The following PPARGC1A variants were observed in gnomAD, a reference collection of about 807,000 sequenced individuals.
The protein encoded by PPARGC1A is peroxisome proliferator-activated receptor gamma coactivator 1-alpha.
A neutral mutation model predicts 88.7 loss-of-function variants in PPARGC1A; 25 were observed. The observed-to-expected ratio is 0.28, with a 90% confidence interval of 0.21 to 0.39. PPARGC1A has a LOEUF of 0.39. Ranked by LOEUF, PPARGC1A falls within the 10% of genes least tolerant of loss-of-function variation. PPARGC1A has a pLI of 1.00. For missense variants in PPARGC1A, 880 were observed against 968.7 expected, an observed-to-expected ratio of 0.91 and a Z score of 1.22; for synonymous variants, 363 against 355.6, an observed-to-expected ratio of 1.02 and a Z score of -0.24.
chr4:24,111,417 A>G, the PPARGC1A span, among the ~76,000 whole-genome samples: 1 of 152,210 alleles, frequency 6.6e-6, no homozygotes, highest in Non-Finnish European at 1.5e-5. Flanking sequence ...ACACACATTA[A>G]TTCATACTGC....
At chr4:24,462,025 T>C in the PPARGC1A span, among the ~76,000 whole-genome samples, 1 of 152,184 alleles carries the variant, frequency 6.6e-6, no homozygotes, top group Non-Finnish European at 1.5e-5. Context: ...ACATTCATGT[T>C]GAAGGCAGCA....
At chr4:24,189,421 A>T in the PPARGC1A span, among the ~76,000 whole-genome samples, 2 of 152,070 alleles carry the variant, frequency 1.3e-5, no homozygotes, top group Non-Finnish European at 2.9e-5. Context: ...GTAAACATAA[A>T]CCCATCAGGA....
intron 2 of PPARGC1A, among the ~76,000 whole-genome samples, chr4:23,842,081 C>T (rs767893335): frequency 2.6e-5 from 4 of 151,956 alleles, no homozygotes; most frequent in Admixed American, 6.6e-5. Flanking sequence ...AATGAGTGGG[C>T]GTGGGCTATT....
chr4:24,219,392 T>A, the PPARGC1A span, among the ~76,000 whole-genome samples: 1 of 152,170 alleles, frequency 6.6e-6, no homozygotes, highest in African/African-American at 2.4e-5. Flanking sequence ...GGCCGAATCT[T>A]ACAAACAGCA....
the PPARGC1A span, among the ~76,000 whole-genome samples, chr4:24,252,294 A>G: frequency 1.3e-5 from 2 of 152,146 alleles, no homozygotes; most frequent in Non-Finnish European, 2.9e-5. Context: ...CTACTGAATC[A>G]GAATGTCTGG....
the PPARGC1A span, among the ~76,000 whole-genome samples, chr4:23,909,194 G>A: frequency 3.9e-5 from 6 of 152,100 alleles, no homozygotes; most frequent in African/African-American, 1.4e-4. Flanking sequence ...TGACCCGTAC[G>A]TAATTTGAAA....
At chr4:24,432,318 T>C in the PPARGC1A span, among the ~76,000 whole-genome samples, 1 of 152,142 alleles carries the variant, frequency 6.6e-6, no homozygotes, top group Admixed American at 6.5e-5. Context: ...GATCTTTTTT[T>C]CTCTCTCTGT....
At chr4:24,303,812 T>C in the PPARGC1A span, among the ~76,000 whole-genome samples, 51 of 152,370 alleles carry the variant, frequency 3.3e-4, no homozygotes, top group African/African-American at 1.2e-3. Flanking sequence ...AATTGGTTGC[T>C]GTTCGTTTCT....
the PPARGC1A span, among the ~76,000 whole-genome samples, chr4:24,436,538 C>T: frequency 1.3e-5 from 2 of 150,792 alleles, no homozygotes; most frequent in Non-Finnish European, 3.0e-5. Flanking sequence ...TTGGCCACCC[C>T]AGAGCCCGGG....
At chr4:24,272,576 A>C in the PPARGC1A span, among the ~76,000 whole-genome samples, 1 of 152,340 alleles carries the variant, frequency 6.6e-6, no homozygotes, top group South Asian at 2.1e-4. Flanking sequence ...GTTTATTCAG[A>C]ATTACCCATT....
the PPARGC1A span, among the ~76,000 whole-genome samples, chr4:24,300,435 G>A: frequency 7.8e-6 from 1 of 128,644 alleles, no homozygotes; most frequent in Non-Finnish European, 1.6e-5. Context: ...ATGAAGCATT[G>A]GATAAGCATA....
chr4:23,956,326 T>C, the PPARGC1A span, among the ~76,000 whole-genome samples: 1 of 152,114 alleles, frequency 6.6e-6, no homozygotes, highest in Non-Finnish European at 1.5e-5. Context: ...TCTAGATTTC[T>C]AACAAGCTCC....
the PPARGC1A span, among the ~76,000 whole-genome samples, chr4:24,212,629 G>C: frequency 6.6e-6 from 1 of 152,136 alleles, no homozygotes; most frequent in South Asian, 2.1e-4. Context: ...AAGGCTTATG[G>C]TGATAATTGG....
the PPARGC1A span, among the ~76,000 whole-genome samples, chr4:24,464,804 C>T: frequency 1.3e-5 from 2 of 152,190 alleles, no homozygotes; most frequent in South Asian, 4.1e-4. Flanking sequence ...TTTGCATCAA[C>T]CATCTCCTCC....
At chr4:24,311,467 C>T in the PPARGC1A span, among the ~76,000 whole-genome samples, 5 of 10,770 alleles carry the variant, frequency 4.6e-4, no homozygotes, top group Non-Finnish European at 0.01. Context: ...AACCCCATCT[C>T]TACTAAAAAA....
chr4:23,889,834 CT>C, intron 1 of PPARGC1A, 69 bp downstream of exon 1: 1 of 1,576,412 alleles, frequency 6.3e-7, no homozygotes. Context: ...CCCATCCCCC[CT>C]TACAGGAATA....
At chr4:24,206,971 A>G in the PPARGC1A span, among the ~76,000 whole-genome samples, 1 of 151,908 alleles carries the variant, frequency 6.6e-6, no homozygotes, top group African/African-American at 2.4e-5. Flanking sequence ...GGTAGGGAGA[A>G]AAGAAGCTTT....
the PPARGC1A span, among the ~76,000 whole-genome samples, chr4:24,370,964 T>C: frequency 6.6e-6 from 1 of 151,852 alleles, no homozygotes; most frequent in Non-Finnish European, 1.5e-5. Flanking sequence ...TGGTGTGTGA[T>C]GTTCCCCTCT....
the PPARGC1A span, among the ~76,000 whole-genome samples, chr4:24,193,564 C>A: frequency 6.6e-6 from 1 of 152,132 alleles, no homozygotes; most frequent in African/African-American, 2.4e-5. Context: ...AAGACACTTT[C>A]CTGAAAAGTT....
Sources: allele counts gnomAD v4.1 joint callset (sites outside exome capture counted in the v4.1 genomes callset), GRCh38; gene constraint gnomAD v4.1.1; transcripts MANE v1.5; gene names NCBI Gene and HGNC (gene_info 2026-07-23, HGNC 2026-07-21).